ATP10A: variants seen among roughly 807,000 people sequenced by gnomAD.
ATP10A encodes the protein phospholipid-transporting ATPase VA.
A neutral mutation model predicts 147.8 loss-of-function variants in ATP10A; 111 were observed. That is an observed-to-expected ratio of 0.75 (90% CI 0.64 to 0.88). The LOEUF is 0.88. Among genes scored for constraint, ATP10A ranks in the 40% least tolerant of loss-of-function variants. The pLI is 0.00. For missense variants in ATP10A, 1,927 were observed against 1,959.0 expected, an observed-to-expected ratio of 0.98 and a Z score of 0.31; for synonymous variants, 875 against 841.6, an observed-to-expected ratio of 1.04 and a Z score of -0.69.
chr15:25,701,317 G>A (rs1413263733), intron 13 of ATP10A, among the ~76,000 whole-genome samples: 1 of 152,178 alleles, frequency 6.6e-6, no homozygotes, highest in Non-Finnish European at 1.5e-5. Context: ...AAGAGGGGCT[G>A]GGGTGGGGAG....
intron 2 of ATP10A, among the ~76,000 whole-genome samples, chr15:25,744,992 T>C (rs112786143): frequency 2.6e-4 from 39 of 152,114 alleles, no homozygotes; most frequent in African/African-American, 7.2e-4. Context: ...CCTAGGCACA[T>C]GACACTAAAA....
At chr15:25,784,126 C>T (rs370767376) in intron 1 of ATP10A, among the ~76,000 whole-genome samples, 2 of 152,210 alleles carry the variant, frequency 1.3e-5, no homozygotes, top group Admixed American at 6.5e-5. Context: ...TTCTCATGAG[C>T]GTCTGCTGGG....
At chr15:25,687,422 C>G (rs1365664631) in intron 16 of ATP10A, among the ~76,000 whole-genome samples, 1 of 151,848 alleles carries the variant, frequency 6.6e-6, no homozygotes, top group Non-Finnish European at 1.5e-5. Context: ...ATAATTATGC[C>G]CCTTCTCACT....
At chr15:25,809,176 C>T (rs754073399) in intron 1 of ATP10A, among the ~76,000 whole-genome samples, 4 of 152,010 alleles carry the variant, frequency 2.6e-5, no homozygotes, top group African/African-American at 7.3e-5. Context: ...CCCCAGTGGC[C>T]GCAGATGGGA....
At chr15:25,687,658 C>T (rs190134160) in intron 16 of ATP10A, 45 bp downstream of exon 16, 147 of 1,541,940 alleles carry the variant, frequency 9.5e-5, no homozygotes, top group Non-Finnish European at 1.2e-4. Flanking sequence ...TCCTAAGAAC[C>T]GAACCTTCCA....
At chr15:25,795,084 T>C in intron 1 of ATP10A, among the ~76,000 whole-genome samples, 1 of 152,196 alleles carries the variant, frequency 6.6e-6, no homozygotes, top group East Asian at 1.9e-4. Flanking sequence ...CTCCTATCTT[T>C]ATTTAGGAAA....
intron 1 of ATP10A, among the ~76,000 whole-genome samples, chr15:25,823,863 G>A (rs769124193): frequency 2.8e-4 from 42 of 152,232 alleles, no homozygotes; most frequent in Non-Finnish European, 5.6e-4. Context: ...TCCTATGCAC[G>A]AGGGGTTGGC....
downstream of ATP10A, chr15:25,678,350 G>A (rs1043792955): frequency 3.9e-5 from 6 of 152,074 alleles, no homozygotes; most frequent in African/African-American, 1.4e-4. Context: ...TCCCGGTGCC[G>A]AGCAGAGCCA....
intron 2 of ATP10A, among the ~76,000 whole-genome samples, chr15:25,746,627 T>C (rs1887857347): frequency 6.6e-6 from 1 of 152,182 alleles, no homozygotes; most frequent in South Asian, 2.1e-4. Flanking sequence ...ACTAAATTCA[T>C]ATAGGATTAA....
rs1365011262 is a variant in ATP10A, at chr15:25,862,342, G to A, written c.449+306C>T. 8 of 587,042 alleles carry A rather than the reference G, an allele frequency of 1.4e-5. No individual in the cohort carries two copies. In the East Asian group the frequency reaches 3.0e-4, roughly 22 times the overall value. 36.4% of individuals were successfully genotyped at this position (587,042 alleles called of 1,614,324 possible). A position where few individuals can be genotyped will look rare whatever the true frequency, so the allele number is the denominator to read the frequency against. ...TTCACTTCAGGTGGGAGCGGCTGTG[G>A]ATGAGGATGTCCAGCGGCCGTCGGT... On this transcript the variant is annotated intron_variant, in intron 1 of 20. Coordinates refer to ENST00000555815, the MANE Select transcript of ATP10A (RefSeq NM_024490.4).
At chr15:25,853,163 G>T (rs956336948) in intron 1 of ATP10A, among the ~76,000 whole-genome samples, 2 of 152,176 alleles carry the variant, frequency 1.3e-5, no homozygotes, top group African/African-American at 4.8e-5. Flanking sequence ...ACTGCACTCC[G>T]GGAAAATGCA....
chr15:25,712,971 C>T (rs72703704), intron 10 of ATP10A, among the ~76,000 whole-genome samples: 15,822 of 152,212 alleles, frequency 0.1, 929 homozygotes, highest in African/African-American at 0.15. Context: ...AGCTCCAACT[C>T]GGAGCTCCAG....
chr15:25,785,160 G>A (rs1450170498), intron 1 of ATP10A, among the ~76,000 whole-genome samples: 1 of 152,100 alleles, frequency 6.6e-6, no homozygotes, highest in African/African-American at 2.4e-5. Context: ...GTCACCACTG[G>A]CTGCATTTCC....
intron 2 of ATP10A, among the ~76,000 whole-genome samples, chr15:25,757,270 G>C (rs1888465868): frequency 6.6e-6 from 1 of 151,982 alleles, no homozygotes; most frequent in Admixed American, 6.6e-5. Context: ...CATGTTTCTA[G>C]TAATTATAAA....
downstream of ATP10A, among the ~76,000 whole-genome samples, chr15:25,673,895 G>C (rs1234566431): frequency 6.6e-6 from 1 of 152,196 alleles, no homozygotes; most frequent in Admixed American, 6.5e-5. Flanking sequence ...GCTGTCCTGC[G>C]TGTGCAGGTG....
intron 2 of ATP10A, among the ~76,000 whole-genome samples, chr15:25,774,200 C>T (rs971719005): frequency 6.6e-6 from 1 of 152,086 alleles, no homozygotes; most frequent in African/African-American, 2.4e-5. Context: ...TTTAAGTTTC[C>T]ACACAATATA....
At chr15:25,688,761 A>G (rs1899842415) in intron 15 of ATP10A, among the ~76,000 whole-genome samples, 1 of 152,232 alleles carries the variant, frequency 6.6e-6, no homozygotes, top group African/African-American at 2.4e-5. Context: ...GAATAGTGTC[A>G]TGATACACAA....
At chr15:25,738,087 C>G (rs1224370808) in intron 2 of ATP10A, among the ~76,000 whole-genome samples, 1 of 152,164 alleles carries the variant, frequency 6.6e-6, no homozygotes, top group East Asian at 1.9e-4. Flanking sequence ...CCAGAGCACA[C>G]CTTCTGGATG....
At chr15:25,771,453 C>A (rs1889331056) in intron 2 of ATP10A, among the ~76,000 whole-genome samples, 1 of 152,124 alleles carries the variant, frequency 6.6e-6, no homozygotes, top group African/African-American at 2.4e-5. Context: ...CTAAGTCTAG[C>A]TTCTAAAACT....
Sources: allele counts gnomAD v4.1 joint callset (sites outside exome capture counted in the v4.1 genomes callset), GRCh38; gene constraint gnomAD v4.1.1; transcripts MANE v1.5; gene names NCBI Gene and HGNC (gene_info 2026-07-23, HGNC 2026-07-21).